Variants in INVS observed in about 807,000 individuals in gnomAD.
The protein encoded by INVS is inversion of embryo turning homolog.
In INVS, 86 loss-of-function variants were observed where a neutral mutation model predicts 108.8. The observed-to-expected ratio is 0.79, with a 90% CI of 0.66 to 0.95. INVS has a LOEUF of 0.95. Among genes scored for constraint, INVS ranks in the 40% least tolerant of loss-of-function variants. The pLI, the probability that INVS is intolerant of heterozygous loss-of-function variation, is 0.00. For synonymous variants in INVS, 455 were observed against 473.5 expected (o/e 0.96, Z 0.51); for missense variants, 1,169 against 1,297.4 (o/e 0.90, Z 1.52).
At chr9:100,212,252 C>G (rs969543139) in intron 3 of INVS, among the ~76,000 whole-genome samples, 3 of 152,218 alleles carry the variant, frequency 2.0e-5, no homozygotes, top group Admixed American at 6.5e-5. Context: ...TTATATGGCA[C>G]TGGTAGCTAA....
At chr9:100,105,668 A>G (rs1402520649) in intron 2 of INVS, among the ~76,000 whole-genome samples, 1 of 152,012 alleles carries the variant, frequency 6.6e-6, no homozygotes, top group African/African-American at 2.4e-5. Context: ...CTACCATTCA[A>G]CTAAAACTCT....
At chr9:100,123,670 A>T (rs1410733600) in intron 2 of INVS, among the ~76,000 whole-genome samples, 1 of 152,210 alleles carries the variant, frequency 6.6e-6, no homozygotes, top group African/African-American at 2.4e-5. Flanking sequence ...TAATGTTTTG[A>T]GGAACTTCCA....
chr9:100,212,734 T>C (rs1830870362), intron 3 of INVS, among the ~76,000 whole-genome samples: 1 of 152,218 alleles, frequency 6.6e-6, no homozygotes, highest in Non-Finnish European at 1.5e-5. Context: ...TGTGGGTTGC[T>C]GTAATAACCC....
chr9:100,204,717 CT>C (rs1047289115), intron 3 of INVS, among the ~76,000 whole-genome samples: 3 of 151,726 alleles, frequency 2.0e-5, no homozygotes, highest in Admixed American at 6.6e-5. Context: ...TGTTTTGCTA[CT>C]TTTTTTTAAG....
intron 11 of INVS, among the ~76,000 whole-genome samples, chr9:100,268,268 G>C (rs891674814): frequency 6.6e-6 from 1 of 152,070 alleles, no homozygotes. Context: ...GTGCTACAAG[G>C]GTTTGTGATA....
chr9:100,215,614 G>A (rs1219839207), intron 3 of INVS: 1 of 152,148 alleles, frequency 6.6e-6, no homozygotes, highest in East Asian at 1.9e-4. Flanking sequence ...CCTAACTATT[G>A]GCTCATTGTT....
chr9:100,242,137 A>G (rs546856583), intron 6 of INVS, among the ~76,000 whole-genome samples: 59 of 152,298 alleles, frequency 3.9e-4, no homozygotes, highest in African/African-American at 1.3e-3. Flanking sequence ...TAGTTTGTCC[A>G]CCTGAATAGA....
chr9:100,108,379 A>C (rs1827242368), intron 2 of INVS, among the ~76,000 whole-genome samples: 1 of 152,166 alleles, frequency 6.6e-6, no homozygotes, highest in African/African-American at 2.4e-5. Context: ...GCCACTCCTC[A>C]TCTTTTAAGA....
At chr9:100,200,396 G>T (rs1202496326) in intron 3 of INVS, among the ~76,000 whole-genome samples, 2 of 152,074 alleles carry the variant, frequency 1.3e-5, no homozygotes, top group Non-Finnish European at 2.9e-5. Context: ...ACCTTGTAGG[G>T]ACTCTTGATT....
rs144206022 is a variant in INVS, at chr9:100,181,799, T to C, written c.274-44263T>C. Among the ~76,000 whole-genome samples the C allele has an allele frequency of 2.8e-3, 427 of 152,092 alleles. 2 individuals are homozygous for C. Among genetic ancestry groups the C allele is most frequent in the Non-Finnish European group, 4.0e-3 (272 of 67,950 alleles). ...TCGTATGGAACCAAAAAAGAGCCCATATAGCCAAGACAATCCTAAGCAAAA... is the reference window on the plus strand; with the variant it reads ...TCGTATGGAACCAAAAAAGAGCCCACATAGCCAAGACAATCCTAAGCAAAA... On this transcript the variant is annotated intron_variant, in intron 3 of 16. Transcript: ENST00000262457.
At chr9:100,138,522 C>G (rs1232290476) in intron 3 of INVS, among the ~76,000 whole-genome samples, 1 of 151,992 alleles carries the variant, frequency 6.6e-6, no homozygotes, top group Non-Finnish European at 1.5e-5. Flanking sequence ...TCATATACTT[C>G]AACCATTAAT....
intron 3 of INVS, chr9:100,175,548 A>T: frequency 1.4e-6 from 1 of 733,874 alleles, no homozygotes; most frequent in Non-Finnish European, 2.5e-6. Flanking sequence ...TCTTAGCTAC[A>T]AACAGGTTAA....
At chr9:100,244,046 A>C (rs1044370855) in intron 7 of INVS, among the ~76,000 whole-genome samples, 1 of 152,116 alleles carries the variant, frequency 6.6e-6, no homozygotes, top group Admixed American at 6.5e-5. Context: ...ACTATCATCA[A>C]GCGTAGTATA....
intron 1 of INVS, among the ~76,000 whole-genome samples, chr9:100,099,772 A>C (rs1337047950): frequency 1.3e-5 from 2 of 152,134 alleles, no homozygotes; most frequent in African/African-American, 4.8e-5. Flanking sequence ...TCCCTAGCAA[A>C]GCAGTCGAGG....
chr9:100,155,791 G>C (rs1157601386), intron 3 of INVS, among the ~76,000 whole-genome samples: 1 of 152,196 alleles, frequency 6.6e-6, no homozygotes, highest in Non-Finnish European at 1.5e-5. Flanking sequence ...ACACAAATAA[G>C]TGGATCACTA....
chr9:100,106,922 C>G (rs571539722), intron 2 of INVS, among the ~76,000 whole-genome samples: 1 of 150,704 alleles, frequency 6.6e-6, no homozygotes, highest in South Asian at 2.1e-4. Flanking sequence ...TCATGCCCAG[C>G]TAAAACTCAC....
At chr9:100,256,301 CTCTTT>C (rs1450691787) in intron 10 of INVS, among the ~76,000 whole-genome samples, 2 of 151,844 alleles carry the variant, frequency 1.3e-5, no homozygotes, top group Non-Finnish European at 1.5e-5. Flanking sequence ...TGATTCTTCT[CTCTTT>C]TCTTCTTTAT....
Position 100,284,546 on chromosome 9 carries a change from CA to C in INVS, c.2012del (p.Gln671ArgfsTer72). 6.2e-7 allele frequency: 1 copy of C among 1,613,916 alleles called. No individual in the cohort carries two copies. The highest frequency in any genetic ancestry group is 1.7e-5 in the Admixed American group (1 of 60,002). On this transcript the variant is annotated frameshift_variant, in exon 13 of 17. Transcript: ENST00000262457. LOFTEE classifies it high-confidence loss of function. Reference sequence around the variant, plus strand: ...AGGAGGGTCTCTAGGCGGAGCCCTCCAGAAGGAGCAGCATGTTTCCTCAGAT... The same window carrying C: ...AGGAGGGTCTCTAGGCGGAGCCCTCCGAAGGAGCAGCATGTTTCCTCAGAT... ...SPGGSLGGAL[Q>X]KEQHVSSDLQ...
intron 3 of INVS, among the ~76,000 whole-genome samples, chr9:100,138,208 C>G (rs1828294920): frequency 6.6e-6 from 1 of 152,014 alleles, no homozygotes; most frequent in Non-Finnish European, 1.5e-5. Context: ...GAGTTCGAGA[C>G]CAGCCTGGCC....
Sources: gnomAD v4.1 joint callset for allele counts (sites outside exome capture counted in the v4.1 genomes callset) on GRCh38, gnomAD v4.1.1 for gene constraint, MANE v1.5 for transcripts, NCBI Gene and HGNC (gene_info 2026-07-23, HGNC 2026-07-21) for gene names.